The following SMPD3 variants were observed in gnomAD, a reference collection of about 807,000 sequenced individuals.
SMPD3 encodes the protein sphingomyelin phosphodiesterase 3, also known as nSMase-2.
A neutral mutation model predicts 55.7 loss-of-function variants in SMPD3; 21 were observed. The ratio of observed to expected loss-of-function variants is 0.38; its 90% CI spans 0.27 to 0.54. The LOEUF is 0.54. Ranked by LOEUF, SMPD3 falls within the 20% of genes least tolerant of loss-of-function variation. The probability of loss-of-function intolerance (pLI) is 0.80; values close to 1 mark genes in which losing one functional copy is unlikely to be tolerated. For missense variants in SMPD3, 842 were observed against 899.6 expected (o/e 0.94, Z 0.82); for synonymous variants, 457 against 404.3 (o/e 1.13, Z -1.56).
At chr16:68,409,580 T>C (rs1317476173) in intron 1 of SMPD3, among the ~76,000 whole-genome samples, 1 of 152,142 alleles carries the variant, frequency 6.6e-6, no homozygotes, top group Non-Finnish European at 1.5e-5. Flanking sequence ...TCAGATGCAC[T>C]TGGTGCATGG....
chr16:68,414,784 C>T (rs534316931), intron 1 of SMPD3, among the ~76,000 whole-genome samples: 26 of 152,250 alleles, frequency 1.7e-4, no homozygotes, highest in African/African-American at 5.3e-4. Context: ...ACATGGGCTG[C>T]CGGGAGGGGA....
intron 3 of SMPD3, among the ~76,000 whole-genome samples, chr16:68,366,180 T>G (rs2089473237): frequency 6.6e-6 from 1 of 152,200 alleles, no homozygotes. Flanking sequence ...GGCCGCAGGG[T>G]GGGTGCCCCA....
intron 1 of SMPD3, among the ~76,000 whole-genome samples, chr16:68,396,658 A>G (rs1455562800): frequency 1.0e-5 from 1 of 98,404 alleles, no homozygotes; most frequent in Non-Finnish European, 1.9e-5. Flanking sequence ...CGGTGGAATC[A>G]ATAAAGTGAT....
intron 2 of SMPD3, among the ~76,000 whole-genome samples, chr16:68,378,102 T>G (rs1431627817): frequency 6.6e-6 from 1 of 152,194 alleles, no homozygotes; most frequent in Non-Finnish European, 1.5e-5. Context: ...CAGAGAGGCC[T>G]CCTCTGAGTC....
At chr16:68,395,671 G>A (rs2090149765) in intron 1 of SMPD3, among the ~76,000 whole-genome samples, 2 of 152,192 alleles carry the variant, frequency 1.3e-5, no homozygotes, top group South Asian at 4.1e-4. Flanking sequence ...CAAGGTGACA[G>A]ACAGCTCTAA....
Position 68,363,552 on chromosome 16 carries a change from C to G in SMPD3, c.1653G>C (p.Leu551=). The stretch of plus-strand genomic sequence containing the variant: ...CATCGTACAGGCCGTTCGTGTCCAG[C>G]AGAGTACCTGGGGGGGACGAGGGGG... ...GEEKPWAIGT[L]LDTNGLYDED... is the part of the protein sequence containing the mutation. Residue 551 remains leucine, a synonymous_variant, in exon 7 of 9, where the codon CTG becomes CTC. Coordinates refer to ENST00000219334, the MANE Select transcript of SMPD3 (RefSeq NM_018667.4). 8.1e-6 allele frequency: 13 copies of G among 1,613,676 alleles called. No homozygotes were observed. The highest frequency in any genetic ancestry group is 1.0e-5 in the Non-Finnish European group (12 of 1,179,864).
intron 1 of SMPD3, among the ~76,000 whole-genome samples, chr16:68,405,115 G>C (rs958999142): frequency 1.3e-5 from 2 of 152,220 alleles, no homozygotes; most frequent in Non-Finnish European, 2.9e-5. Context: ...TCTACTAGCA[G>C]AGTTTTTTCC....
intron 1 of SMPD3, among the ~76,000 whole-genome samples, chr16:68,396,824 A>G (rs144597031): frequency 6.6e-6 from 1 of 152,340 alleles, no homozygotes; most frequent in African/African-American, 2.4e-5. Flanking sequence ...CAAAACGAAA[A>G]TGCAAGATGG....
intron 1 of SMPD3, among the ~76,000 whole-genome samples, chr16:68,390,202 A>G (rs755011335): frequency 2.0e-5 from 3 of 152,252 alleles, no homozygotes; most frequent in Admixed American, 6.5e-5. Flanking sequence ...ATGCCAATGC[A>G]TTATAATTAG....
chr16:68,367,826 T>G (rs997027000), intron 3 of SMPD3: 1 of 152,268 alleles, frequency 6.6e-6, no homozygotes, highest in Non-Finnish European at 1.5e-5. Flanking sequence ...GGCTGTGCCT[T>G]TGAGTCCTGG....
At chr16:68,446,466 ATGAG>A (rs3978673) in intron 1 of SMPD3, among the ~76,000 whole-genome samples, 75,289 of 150,092 alleles carry the variant, frequency 0.5, 20,084 homozygotes, top group East Asian at 0.82. Flanking sequence ...CCATCAGTAA[ATGAG>A]TAAGTGGTTC....
At chr16:68,362,806 A>G (rs1026328672) in intron 7 of SMPD3, among the ~76,000 whole-genome samples, 2 of 152,242 alleles carry the variant, frequency 1.3e-5, no homozygotes, top group African/African-American at 2.4e-5. Context: ...TCTGAGAGCT[A>G]CTGGTAGTCA....
At chr16:68,388,451 A>G (rs993130140) in intron 1 of SMPD3, among the ~76,000 whole-genome samples, 4 of 152,144 alleles carry the variant, frequency 2.6e-5, no homozygotes, top group Non-Finnish European at 5.9e-5. Context: ...AGCATCTGGC[A>G]TTAGACATAA....
chr16:68,448,154 T>G (rs1337909042), intron 1 of SMPD3, among the ~76,000 whole-genome samples, 199 bp downstream of exon 1: 1 of 152,116 alleles, frequency 6.6e-6, no homozygotes, highest in African/African-American at 2.4e-5. Context: ...CCCAAGAGCC[T>G]TCTCCATGAT....
chr16:68,422,626 A>T (rs1044541818), intron 1 of SMPD3, among the ~76,000 whole-genome samples: 2 of 152,180 alleles, frequency 1.3e-5, no homozygotes, highest in Non-Finnish European at 2.9e-5. Context: ...TAGTTTGATG[A>T]TGCTGAGGGT....
chr16:68,443,037 C>G (rs1310560420), intron 1 of SMPD3, among the ~76,000 whole-genome samples: 3 of 152,186 alleles, frequency 2.0e-5, no homozygotes, highest in African/African-American at 7.2e-5. Flanking sequence ...CAGACTGAGG[C>G]CCAGGGAGAG....
chr16:68,361,736 C>A lies in SMPD3; in HGVS notation c.1733G>T (p.Arg578Leu). The A allele has an allele frequency of 6.2e-7, 1 of 1,612,656 alleles. No individual in the cohort carries two copies. The highest frequency in any genetic ancestry group is 8.5e-7 in the Non-Finnish European group (1 of 1,179,934). ...LQKVLESEEG[R>L]REYLAFPTSK... is the part of the protein sequence containing the mutation. ...GGTGGGAAACGCCAGGTACTCCCTG[C>A]GGCCCTCCTCACTCTCCAGGACCCT... is the stretch of plus-strand genomic sequence containing the variant. The change falls in exon 8 of 9, where the codon CGC (arginine) becomes CTC (leucine). Residue 578 changes from arginine (R) to leucine (L), a missense_variant. Arg to Leu is a moderately radical substitution (Grantham distance 102, BLOSUM62 -2). This residue lies in a region of SMPD3 where 649 missense variants were observed against 643.6 expected (regional missense o/e 1.01). Coordinates refer to ENST00000219334, the MANE Select transcript of SMPD3 (RefSeq NM_018667.4).
intron 3 of SMPD3, chr16:68,367,699 G>A (rs4603552): frequency 0.036 from 5,553 of 152,360 alleles, 324 homozygotes; most frequent in African/African-American, 0.12. Context: ...CTCATCTGCC[G>A]TGTGATCTCA....
chr16:68,396,053 C>A (rs1329689943), intron 1 of SMPD3, among the ~76,000 whole-genome samples: 5 of 152,096 alleles, frequency 3.3e-5, no homozygotes, highest in Admixed American at 3.3e-4. Flanking sequence ...CTGTCCTTGG[C>A]CCCTCCCTTA....
Sources: gnomAD v4.1 joint callset for allele counts (sites outside exome capture counted in the v4.1 genomes callset) on GRCh38, gnomAD v4.1.1 for gene constraint, gnomAD v4.1.1 regional missense constraint, MANE v1.5 for transcripts, NCBI Gene and HGNC (gene_info 2026-07-23, HGNC 2026-07-21) for gene names.